The following KDR variants were observed in gnomAD, a reference collection of about 807,000 sequenced individuals.
KDR encodes the protein vascular endothelial growth factor receptor 2.
In KDR, 43 loss-of-function variants were observed where a neutral mutation model predicts 160.9. That is an observed-to-expected ratio of 0.27 (90% CI 0.21 to 0.34). The LOEUF (loss-of-function observed/expected upper bound fraction) is 0.34, where lower values mean the gene tolerates loss of function less well. Among genes scored for constraint, KDR ranks in the 10% least tolerant of loss-of-function variants. The pLI is 1.00. For missense variants in KDR, 1,469 were observed against 1,666.4 expected (o/e 0.88, Z 2.06); for synonymous variants, 617 against 600.1 (o/e 1.03, Z -0.41).
intron 3 of KDR, among the ~76,000 whole-genome samples, 170 bp from the exon 4 acceptor site, chr4:55,115,581 GGTGTGTGTGTATGT>G (rs1254083318): frequency 2.0e-5 from 3 of 149,830 alleles, no homozygotes; most frequent in African/African-American, 7.6e-5. Context: ...GCTACATGAG[GGTGTGTGTGTATGT>G]GTGTGTGTGT....
intron 22 of KDR, among the ~76,000 whole-genome samples, chr4:55,091,520 A>G (rs1302642991): frequency 2.0e-5 from 3 of 152,178 alleles, no homozygotes; most frequent in African/African-American, 7.2e-5. Flanking sequence ...ATAATCTCCA[A>G]GAAGTGTAAA....
At chr4:55,096,583 AC>A in intron 18 of KDR, 1 of 542,752 alleles carries the variant, frequency 1.8e-6, no homozygotes, top group East Asian at 3.1e-5. Context: ...CCATTGTGAA[AC>A]CTTTTGCAAA....
intron 26 of KDR, 31 bp from the exon 27 acceptor site, chr4:55,087,789 AT>A: frequency 6.2e-7 from 1 of 1,612,328 alleles, no homozygotes; most frequent in Non-Finnish European, 8.5e-7. Context: ...GACTGTTGTT[AT>A]GGCTTCAGTT....
chr4:55,109,576 T>C (rs547651268), intron 9 of KDR, among the ~76,000 whole-genome samples: 1 of 152,280 alleles, frequency 6.6e-6, no homozygotes, highest in East Asian at 1.9e-4. Flanking sequence ...GAGAGATTAA[T>C]GAATTTGCTC....
intron 7 of KDR, among the ~76,000 whole-genome samples, chr4:55,112,703 G>T (rs543945798): frequency 1.3e-4 from 20 of 151,790 alleles, no homozygotes; most frequent in Non-Finnish European, 2.4e-4. Context: ...TAATTTTTTG[G>T]ATTTTTAGTA....
chr4:55,109,896 T>C (rs1381120405), intron 9 of KDR, among the ~76,000 whole-genome samples: 2 of 152,130 alleles, frequency 1.3e-5, no homozygotes, highest in African/African-American at 4.8e-5. Context: ...CCTGAACTCC[T>C]GTCAAAAAGG....
At position 55,101,972 on chromosome 4, in the gene KDR, C is replaced by T. The variant is rs1720322302; in HGVS notation, c.2191G>A (p.Asp731Asn). 6.2e-7 allele frequency: 1 copy of T among 1,613,688 alleles called. No homozygotes were observed. The highest frequency in any genetic ancestry group is 8.5e-7 in the Non-Finnish European group (1 of 1,179,770). ...NLTIRRVRKEDEGLYTCQACS... is the reference protein window; with the variant it reads ...NLTIRRVRKENEGLYTCQACS... ...GCCTGGCAGGTGTAGAGGCCTTCGTCCTCCTTCCTCACTCTGCGGATAGTG... is the reference window on the plus strand; with the variant it reads ...GCCTGGCAGGTGTAGAGGCCTTCGTTCTCCTTCCTCACTCTGCGGATAGTG... Residue 731 changes from aspartate (D) to asparagine (N), a missense_variant, in exon 15 of 30, where the codon GAC becomes AAC. Physicochemically the swap from Asp to Asn is conservative, Grantham distance 23. Transcript: ENST00000263923.
At chr4:55,121,636 C>T (rs1216981488) in intron 1 of KDR, among the ~76,000 whole-genome samples, 1 of 152,238 alleles carries the variant, frequency 6.6e-6, no homozygotes, top group Non-Finnish European at 1.5e-5. Context: ...CATCTACGTA[C>T]CCTGAAGGGA....
intron 2 of KDR, among the ~76,000 whole-genome samples, chr4:55,120,891 A>G (rs552798190): frequency 6.6e-6 from 1 of 152,016 alleles, no homozygotes; most frequent in East Asian, 1.9e-4. Context: ...GGCAGAGAAT[A>G]GTATAAAAAC....
intron 13 of KDR, 136 bp downstream of exon 13, chr4:55,104,507 A>T: frequency 1.4e-6 from 1 of 727,642 alleles, no homozygotes; most frequent in Non-Finnish European, 2.4e-6. Context: ...TTCCTCAAGG[A>T]CTTTCGGTGA....
At chr4:55,088,068 A>G (rs1719906911) in intron 26 of KDR, among the ~76,000 whole-genome samples, 1 of 152,202 alleles carries the variant, frequency 6.6e-6, no homozygotes, top group South Asian at 2.1e-4. Context: ...ACATAGAACA[A>G]AAAATCACTC....
intron 21 of KDR, among the ~76,000 whole-genome samples, chr4:55,094,424 T>G (rs939421931): frequency 1.3e-5 from 2 of 152,126 alleles, no homozygotes; most frequent in Non-Finnish European, 2.9e-5. Flanking sequence ...AGGTAAAGCA[T>G]GCAACGTGGG....
rs181649041 is a variant in KDR at position 55,082,397 on chromosome 4, A to G, written c.3762+139T>C. 569 of 682,828 alleles carry G rather than the reference A, an allele frequency of 8.3e-4. 1 individual carries two copies. In the African/African-American group the frequency reaches 8.7e-3, roughly 10 times the overall value. 42.3% of individuals were successfully genotyped at this position (682,828 alleles called of 1,614,324 possible). ...ATGAAAAAAACAAAGTTCCATCTCC[A>G]TAATGACCCCATGATACACACACTC... On this transcript the variant is annotated intron_variant, in intron 28 of 29. Coordinates refer to ENST00000263923, the MANE Select transcript of KDR (RefSeq NM_002253.4).
chr4:55,114,838 T>A (rs748599383), intron 5 of KDR, 36 bp downstream of exon 5: 1 of 1,517,504 alleles, frequency 6.6e-7, no homozygotes, highest in South Asian at 1.1e-5. Flanking sequence ...TACAAGGATA[T>A]GTTATTAATG....
intron 22 of KDR, among the ~76,000 whole-genome samples, chr4:55,090,849 C>CTTTTTTTTTTTT: frequency 1.2e-5 from 1 of 84,050 alleles, no homozygotes; most frequent in African/African-American, 4.5e-5. Context: ...TAGAAGAAAA[C>CTTTTTTTTTTTT]TTTTTTTTTT....
chr4:55,102,470 G>T lies in KDR; in HGVS notation c.2026C>A (p.Gln676Lys). 1.2e-6 allele frequency: 2 copies of T among 1,613,802 alleles called. No individual in the cohort carries two copies. Among genetic ancestry groups the T allele is most frequent in the Non-Finnish European group, 1.7e-6 (2 of 1,179,772 alleles). Residue 676 changes from glutamine to lysine, a missense_variant, in exon 14 of 30, where the codon CAG becomes AAG. Transcript: ENST00000263923. ...ATGCTTTCCCCAATACTTGTCGTCTGATTCTCCAGGTTTCCTGTGATCGTG... is the reference window on the plus strand; with the variant it reads ...ATGCTTTCCCCAATACTTGTCGTCTTATTCTCCAGGTTTCCTGTGATCGTG... ...APTITGNLEN[Q>K]TTSIGESIEV...
At chr4:55,105,107 T>C in intron 12 of KDR, 123 bp from the exon 13 acceptor site, 1 of 803,068 alleles carries the variant, frequency 1.2e-6, no homozygotes, top group Non-Finnish European at 2.1e-6. Flanking sequence ...TTCCAGGTGA[T>C]GTACTACAAC....
rs746311924 is a variant in KDR, at chr4:55,104,851, G to C, written c.1779C>G (p.Ile593Met). Residue 593 changes from isoleucine to methionine, a missense_variant, in exon 13 of 30, where the codon ATC (isoleucine) becomes ATG (methionine). Ile to Met is a conservative substitution (Grantham distance 10). Coordinates refer to ENST00000263923, the MANE Select transcript of KDR (RefSeq NM_002253.4). ...CAGGTGTGGGCAACTCTCCCACATG[G>C]ATTGGCAGAGGCTGTGGGCCAAGCT... ...WYKLGPQPLP[I>M]HVGELPTPVC... 1.9e-6 allele frequency: 3 copies of C among 1,613,826 alleles called. No individual in the cohort carries two copies. The African/African-American group carries it at 4.0e-5, about 22-fold the overall frequency.
intron 2 of KDR, among the ~76,000 whole-genome samples, chr4:55,120,668 G>A (rs1578141099): frequency 6.6e-6 from 1 of 152,116 alleles, no homozygotes; most frequent in Non-Finnish European, 1.5e-5. Context: ...TTTGGAAAGG[G>A]ATAATAAGTG....
Sources: allele counts gnomAD v4.1 joint callset (sites outside exome capture counted in the v4.1 genomes callset), GRCh38; gene constraint gnomAD v4.1.1; transcripts MANE v1.5; gene names NCBI Gene and HGNC (gene_info 2026-07-23, HGNC 2026-07-21).